FKBP1A: variants seen among roughly 807,000 people sequenced by gnomAD.
FKBP1A encodes FKBP prolyl isomerase 1A, also known as peptidyl-prolyl cis-trans isomerase FKBP1A.
A neutral mutation model predicts 14.2 loss-of-function variants in FKBP1A; 5 were observed. That is an observed-to-expected ratio of 0.35 (90% confidence interval 0.18 to 0.74). The LOEUF (loss-of-function observed/expected upper bound fraction) is 0.74, where lower values mean the gene tolerates loss of function less well. Ranked by LOEUF, FKBP1A falls within the 30% of genes least tolerant of loss-of-function variation. FKBP1A has a pLI of 0.56. For synonymous variants in FKBP1A, 42 were observed against 49.1 expected, an observed-to-expected ratio of 0.86 and a Z score of 0.60; for missense variants, 53 against 138.8, an observed-to-expected ratio of 0.38 and a Z score of 3.10.
At chr20:1,383,004 TC>T (rs763208959) in intron 2 of FKBP1A, among the ~76,000 whole-genome samples, 103 of 152,242 alleles carry the variant, frequency 6.8e-4, no homozygotes, top group Non-Finnish European at 1.2e-3. Context: ...CAGCAAAGTA[TC>T]CCCAGACTGT....
chr20:1,383,447 C>T (rs771918525), intron 2 of FKBP1A, among the ~76,000 whole-genome samples: 1 of 151,874 alleles, frequency 6.6e-6, no homozygotes, highest in Non-Finnish European at 1.5e-5. Context: ...AAGTCCTTGC[C>T]ATTTACAGTT....
At chr20:1,390,921 T>C (rs1222958503) in intron 2 of FKBP1A, among the ~76,000 whole-genome samples, 2 of 152,180 alleles carry the variant, frequency 1.3e-5, no homozygotes, top group African/African-American at 2.4e-5. Context: ...AACATGTGGG[T>C]GCGTGCCACC....
At position 1,388,048 on chromosome 20, in the gene FKBP1A, C is replaced by G. The variant is rs116986589; in HGVS notation, c.85+4786G>C. Among the ~76,000 whole-genome samples, 1,406 of 152,274 alleles carry G rather than the reference C, an allele frequency of 9.2e-3. 11 individuals are homozygous for G. Among genetic ancestry groups the G allele is most frequent in the Non-Finnish European group, 0.014 (972 of 68,026 alleles). ...TGAGCAAGAGACCATCTATGGCTAC[C>G]TAAGCACTCCACAGATCACTGCTAA... is the stretch of plus-strand genomic sequence containing the variant. On this transcript the variant is annotated intron_variant, in intron 2 of 4. Transcript: ENST00000400137.
intron 2 of FKBP1A, chr20:1,391,767 A>G (rs1351048692): frequency 6.1e-6 from 2 of 326,076 alleles, no homozygotes; most frequent in African/African-American, 2.3e-5. Context: ...TGGGAAAAAA[A>G]GAGGGAGGAG....
intron 2 of FKBP1A, among the ~76,000 whole-genome samples, chr20:1,382,168 TC>T (rs2089624392): frequency 6.6e-6 from 1 of 152,196 alleles, no homozygotes; most frequent in Non-Finnish European, 1.5e-5. Context: ...AAGTCAAGTC[TC>T]AGCAGCTGCT....
intron 2 of FKBP1A, among the ~76,000 whole-genome samples, chr20:1,387,191 T>C (rs2089676552): frequency 6.6e-6 from 1 of 152,018 alleles, no homozygotes; most frequent in Non-Finnish European, 1.5e-5. Flanking sequence ...ATTTATGGTA[T>C]GTAAATTATA....
intron 2 of FKBP1A, among the ~76,000 whole-genome samples, chr20:1,383,993 T>C (rs764277759): frequency 2.0e-5 from 3 of 152,186 alleles, no homozygotes; most frequent in Non-Finnish European, 4.4e-5. Flanking sequence ...CTCTTCTTAT[T>C]AGACACAGAA....
Position 1,369,974 on chromosome 20 carries a change from A to C in FKBP1A, c.*135T>G. 4.6e-6 allele frequency: 7 copies of C among 1,524,342 alleles called. No individual in the cohort carries two copies. The African/African-American group carries it at 9.7e-5, about 21-fold the overall frequency. The allele number at this position is 1,524,342 out of a possible 1,614,324, so 94.4% of individuals were successfully genotyped here. ...GCTGAGTGACAGAACACATTCAGTC[A>C]GGGCAGATGTCTATACAAAGTGGAG... On this transcript the variant is annotated 3_prime_UTR_variant, in exon 5 of 5. Coordinates refer to ENST00000400137, the MANE Select transcript of FKBP1A (RefSeq NM_000801.5).
rs1568585261 is a variant in FKBP1A at position 1,372,311 on chromosome 20, G to C, written c.199-71C>G. 3.5e-5 allele frequency: 54 copies of C among 1,529,060 alleles called. 1 individual carries two copies. The South Asian group carries it at 6.4e-4, about 18-fold the overall frequency. 94.7% of individuals were successfully genotyped at this position (1,529,060 alleles called of 1,614,324 possible). ...AACTGTCTCTGTAAGAAAAAGAGCT[G>C]TTTACCTAGGTGTTCCTTGGCCAGG... On this transcript the variant is annotated intron_variant, in intron 3 of 4. Coordinates refer to ENST00000400137, the MANE Select transcript of FKBP1A (RefSeq NM_000801.5).
At chr20:1,370,802 G>A (rs187583080) in intron 4 of FKBP1A, 65 of 985,312 alleles carry the variant, frequency 6.6e-5, no homozygotes, top group East Asian at 3.4e-4. Flanking sequence ...AGGCTCCCTC[G>A]AGTACAGTTA....
chr20:1,390,473 A>G (rs183667476), intron 2 of FKBP1A, among the ~76,000 whole-genome samples: 122 of 152,306 alleles, frequency 8.0e-4, no homozygotes, highest in African/African-American at 2.9e-3. Flanking sequence ...GCAGGAAACA[A>G]AACAAAACAC....
At chr20:1,375,383 G>A in intron 3 of FKBP1A, 108 bp downstream of exon 3, 1 of 748,098 alleles carries the variant, frequency 1.3e-6, no homozygotes, top group Non-Finnish European at 2.3e-6. Flanking sequence ...TGGCATGAGG[G>A]TGAGACTTTT....
chr20:1,371,569 T>A, intron 4 of FKBP1A: 1 of 343,666 alleles, frequency 2.9e-6, no homozygotes. Flanking sequence ...GGTGGACCGA[T>A]GCAGGAATGC....
intron 2 of FKBP1A, chr20:1,391,680 T>C: frequency 2.5e-6 from 1 of 398,320 alleles, no homozygotes; most frequent in Non-Finnish European, 4.4e-6. Context: ...AAGAGAAAGG[T>C]GGAGCTTATT....
intron 2 of FKBP1A, among the ~76,000 whole-genome samples, chr20:1,388,917 A>T (rs2089699979): frequency 6.6e-6 from 1 of 152,020 alleles, no homozygotes; most frequent in Non-Finnish European, 1.5e-5. Flanking sequence ...CGGTCTTCTT[A>T]CTGTTCCTCT....
intron 3 of FKBP1A, among the ~76,000 whole-genome samples, chr20:1,372,648 TA>T (rs986133068): frequency 2.8e-4 from 43 of 152,318 alleles, no homozygotes; most frequent in Middle Eastern, 3.4e-3. Flanking sequence ...AACTTTGCTT[TA>T]AAAAAATATA....
chr20:1,370,129 T>G, intron 4 of FKBP1A, 57 bp from the exon 5 acceptor site: 1 of 1,533,806 alleles, frequency 6.5e-7, no homozygotes, highest in Non-Finnish European at 8.7e-7. Context: ...TTGTGTGCAG[T>G]GGCGACAGCC....
chr20:1,392,792 G>T, intron 2 of FKBP1A, 42 bp downstream of exon 2: 1 of 1,449,548 alleles, frequency 6.9e-7, no homozygotes, highest in Non-Finnish European at 9.1e-7. Context: ...CCGGGCTGCG[G>T]ACTGCGGCCC....
chr20:1,375,672 G>T, intron 2 of FKBP1A, 69 bp from the exon 3 acceptor site: 1 of 1,129,860 alleles, frequency 8.9e-7, no homozygotes, highest in East Asian at 2.4e-5. Context: ...ACCAGCAGCA[G>T]AGCACTCATC....
Sources: gnomAD v4.1 joint callset for allele counts (sites outside exome capture counted in the v4.1 genomes callset) on GRCh38, gnomAD v4.1.1 for gene constraint, MANE v1.5 for transcripts, NCBI Gene and HGNC (gene_info 2026-07-23, HGNC 2026-07-21) for gene names.